BCAS1: variants seen among roughly 807,000 people sequenced by gnomAD.
BCAS1 encodes brain enriched myelin associated protein 1.
Under a neutral mutation model 65.4 loss-of-function variants are expected in BCAS1, and 46 were observed. The observed-to-expected ratio is 0.70, with a 90% CI of 0.55 to 0.90. The LOEUF (loss-of-function observed/expected upper bound fraction) is 0.90, where lower values mean the gene tolerates loss of function less well. Among genes scored for constraint, BCAS1 ranks in the 40% least tolerant of loss-of-function variants. BCAS1 has a pLI of 0.00. For synonymous variants in BCAS1, 298 were observed against 293.5 expected (o/e 1.02, Z -0.16); for missense variants, 793 against 771.2 (o/e 1.03, Z -0.33).
chr20:54,061,280 A>G (rs567215667), intron 1 of BCAS1, among the ~76,000 whole-genome samples: 35 of 152,342 alleles, frequency 2.3e-4, no homozygotes, highest in Admixed American at 2.2e-3. Context: ...TCCCTTAAAA[A>G]GGAGGAATGG....
rs140676988 is a variant in BCAS1 at position 53,969,344 on chromosome 20, A to G, written c.1318-2271T>C. Among the ~76,000 whole-genome samples, 1,103 of 152,278 alleles carry G rather than the reference A, an allele frequency of 7.2e-3. 10 individuals are homozygous for G. Among genetic ancestry groups the G allele is most frequent in the South Asian group, 0.041 (200 of 4,820 alleles). ...GCATGAATTATCTGGATTAGGCACC[A>G]TGCACATATCCAATATTTAGAGATG... On this transcript the variant is annotated intron_variant, in intron 9 of 12. Coordinates refer to ENST00000688948, the MANE Select transcript of BCAS1 (RefSeq NM_001366298.2).
Position 53,985,358 on chromosome 20 carries a change from G to A in BCAS1, c.1204C>T (p.Pro402Ser). Residue 402 changes from proline (P) to serine (S), a missense_variant, in exon 8 of 13, where the codon CCT becomes TCT. Coordinates refer to ENST00000688948, the MANE Select transcript of BCAS1 (RefSeq NM_001366298.2). Reference sequence around the variant, plus strand: ...TTCTCCTTGGTGCCTTCCTTCGCAGGTTCAGGGGTTGTCACGGACTGTGTG... The same window carrying A: ...TTCTCCTTGGTGCCTTCCTTCGCAGATTCAGGGGTTGTCACGGACTGTGTG... The part of the protein sequence containing the change: ...GHTQSVTTPE[P>S]AKEGTKEKSG... 6.2e-7 allele frequency: 1 copy of A among 1,614,076 alleles called. No homozygotes were observed. The highest frequency in any genetic ancestry group is 8.5e-7 in the Non-Finnish European group (1 of 1,179,976).
intron 10 of BCAS1, among the ~76,000 whole-genome samples, chr20:53,962,710 G>A (rs1387524307): frequency 6.6e-6 from 1 of 152,030 alleles, no homozygotes. Flanking sequence ...GATATTCCTC[G>A]CAATTGTTTA....
intron 9 of BCAS1, among the ~76,000 whole-genome samples, chr20:53,968,438 C>T (rs572216589): frequency 6.6e-6 from 1 of 152,256 alleles, no homozygotes; most frequent in South Asian, 2.1e-4. Flanking sequence ...TGCTGAGAAA[C>T]TATTTTCTTT....
In BCAS1 at chr20:53,985,975, T is replaced by C. The variant is rs1005102595; in HGVS notation, c.1063-476A>G. 3.9e-5 allele frequency among the ~76,000 whole-genome samples: 6 copies of C among 152,360 alleles called. No individual in the cohort carries two copies. The East Asian group carries it at 7.7e-4, about 20-fold the overall frequency. ...AGAGTTAAATTAAATATAGAACTTC[T>C]GAAATTTTTCTCCATACTCCACTTT... On this transcript the variant is annotated intron_variant, in intron 7 of 12. Transcript: ENST00000688948.
intron 8 of BCAS1, among the ~76,000 whole-genome samples, chr20:53,976,484 G>C (rs1232989509): frequency 6.6e-6 from 1 of 151,818 alleles, no homozygotes; most frequent in African/African-American, 2.4e-5. Flanking sequence ...ATTTACAAAT[G>C]TATCTTCTGC....
At chr20:53,997,851 AC>A (rs2090958034) in intron 4 of BCAS1, among the ~76,000 whole-genome samples, 1 of 151,642 alleles carries the variant, frequency 6.6e-6, no homozygotes, top group Admixed American at 6.6e-5. Flanking sequence ...AGGGAGGCGG[AC>A]TCGACTCTCA....
At chr20:54,045,422 A>C (rs982296752) in intron 3 of BCAS1, among the ~76,000 whole-genome samples, 1 of 152,200 alleles carries the variant, frequency 6.6e-6, no homozygotes, top group African/African-American at 2.4e-5. Flanking sequence ...GATTATTACA[A>C]TTAAAAAAAA....
intron 4 of BCAS1, among the ~76,000 whole-genome samples, chr20:54,023,965 C>T (rs1220846021): frequency 6.6e-6 from 1 of 152,112 alleles, no homozygotes; most frequent in East Asian, 1.9e-4. Flanking sequence ...GGGAGAAAAC[C>T]CATAATACTG....
chr20:53,960,496 AG>A (rs1568813598), intron 10 of BCAS1, among the ~76,000 whole-genome samples: 56 of 74,662 alleles, frequency 7.5e-4, no homozygotes, highest in Non-Finnish European at 8.3e-4. Context: ...AAAAAAAAAA[AG>A]AGAGAGAGAG....
chr20:53,989,168 A>C (rs1027498958), intron 7 of BCAS1, among the ~76,000 whole-genome samples: 1 of 151,906 alleles, frequency 6.6e-6, no homozygotes, highest in African/African-American at 2.4e-5. Flanking sequence ...GGCAAAAAAT[A>C]GTCTAAAAAA....
At chr20:53,970,445 A>G (rs2090150734) in intron 9 of BCAS1, among the ~76,000 whole-genome samples, 1 of 152,212 alleles carries the variant, frequency 6.6e-6, no homozygotes, top group Non-Finnish European at 1.5e-5. Flanking sequence ...TAGGAATTCA[A>G]TTTTTATTTG....
chr20:53,993,917 C>T (rs771439210), intron 6 of BCAS1, among the ~76,000 whole-genome samples: 15 of 152,266 alleles, frequency 9.9e-5, no homozygotes, highest in Non-Finnish European at 2.1e-4. Context: ...AAATAGGGAT[C>T]GCTACATTTA....
At chr20:53,950,377 C>G (rs1243128648) in intron 12 of BCAS1, among the ~76,000 whole-genome samples, 4 of 152,166 alleles carry the variant, frequency 2.6e-5, no homozygotes, top group Non-Finnish European at 5.9e-5. Flanking sequence ...TTTCCTGTCT[C>G]ATCTCAGATG....
At chr20:54,061,952 A>G (rs961880232) in intron 1 of BCAS1, among the ~76,000 whole-genome samples, 13 of 152,198 alleles carry the variant, frequency 8.5e-5, no homozygotes, top group African/African-American at 3.1e-4. Flanking sequence ...TGAGTTTTAA[A>G]TTTATAAATG....
chr20:54,069,379 C>T (rs921910397), intron 1 of BCAS1, among the ~76,000 whole-genome samples: 40 of 152,212 alleles, frequency 2.6e-4, no homozygotes, highest in Non-Finnish European at 4.7e-4. Flanking sequence ...TTGTTCATCA[C>T]GGGTGTCTTG....
chr20:53,951,568 G>A (rs1036473019), intron 12 of BCAS1, among the ~76,000 whole-genome samples: 3 of 152,170 alleles, frequency 2.0e-5, no homozygotes, highest in Non-Finnish European at 4.4e-5. Flanking sequence ...GTGATCCCTG[G>A]ATCAGCAGCT....
chr20:54,018,429 T>A lies in BCAS1; in HGVS notation c.723+9963A>T, dbSNP rs536833564. Among the ~76,000 whole-genome samples, 5 of 145,308 alleles carry A rather than the reference T, an allele frequency of 3.4e-5. No individual in the cohort carries two copies. In the East Asian group the frequency reaches 1.0e-3, roughly 30 times the overall value. On this transcript the variant is annotated intron_variant, in intron 4 of 12. Transcript: ENST00000688948. Reference sequence around the variant, plus strand: ...TTTTTTTTTTTTTTTCGAGACAGAGTCTCGCTCTGTCATTCTCCTGCCTCA... The same window carrying A: ...TTTTTTTTTTTTTTTCGAGACAGAGACTCGCTCTGTCATTCTCCTGCCTCA...
intron 9 of BCAS1, among the ~76,000 whole-genome samples, chr20:53,970,532 C>A (rs1267761985): frequency 6.6e-6 from 1 of 152,174 alleles, no homozygotes. Flanking sequence ...ACCGCATCTG[C>A]ACATTTTAAT....
Sources: gnomAD v4.1 joint callset for allele counts (sites outside exome capture counted in the v4.1 genomes callset) on GRCh38, gnomAD v4.1.1 for gene constraint, MANE v1.5 for transcripts, NCBI Gene and HGNC (gene_info 2026-07-23, HGNC 2026-07-21) for gene names.